The following MAP3K13 variants were observed in gnomAD, a reference collection of about 807,000 sequenced individuals.
MAP3K13 encodes the protein mitogen-activated protein kinase kinase kinase 13.
Under a neutral mutation model 104.0 loss-of-function variants are expected in MAP3K13, and 52 were observed. The observed-to-expected ratio is 0.50, with a 90% CI of 0.40 to 0.63. The LOEUF (loss-of-function observed/expected upper bound fraction) is 0.63. Ranked by LOEUF, MAP3K13 falls within the 20% of genes least tolerant of loss-of-function variation. MAP3K13 has a pLI of 0.00. For missense variants in MAP3K13, 914 were observed against 1,218.5 expected (o/e 0.75, Z 3.72); for synonymous variants, 394 against 442.2 (o/e 0.89, Z 1.37).
intron 1 of MAP3K13, among the ~76,000 whole-genome samples, chr3:185,395,347 A>T (rs958627097): frequency 2.1e-5 from 2 of 95,572 alleles, no homozygotes; most frequent in Non-Finnish European, 2.0e-5. Flanking sequence ...TTTCTAATTC[A>T]ATATTATTTC....
chr3:185,469,840 A>G (rs1717673736), intron 10 of MAP3K13, among the ~76,000 whole-genome samples: 1 of 152,224 alleles, frequency 6.6e-6, no homozygotes, highest in Non-Finnish European at 1.5e-5. Flanking sequence ...TCTGACCTTC[A>G]ATAAACCAGA....
Position 185,484,325 on chromosome 3 carries a change from A to G in MAP3K13, c.*1869A>G, listed in dbSNP as rs1413471876. The G allele has an allele frequency of 6.6e-6, 1 of 152,082 alleles. No individual in the cohort carries two copies. The highest frequency in any genetic ancestry group is 2.4e-5 in the African/African-American group (1 of 41,408). 9.4% of individuals were successfully genotyped at this position (152,082 alleles called of 1,614,324 possible). On this transcript the variant is annotated 3_prime_UTR_variant, in exon 14 of 14. Coordinates refer to ENST00000265026, the MANE Select transcript of MAP3K13 (RefSeq NM_004721.5). The stretch of plus-strand genomic sequence containing the variant: ...TCATGGTGCCTTGGCCTTAAGGAAA[A>G]ATTTTTTTAGAATTTTATGTACAAA...
intron 3 of MAP3K13, among the ~76,000 whole-genome samples, chr3:185,438,128 A>G (rs78379874): frequency 6.6e-6 from 1 of 150,432 alleles, no homozygotes; most frequent in African/African-American, 2.5e-5. Context: ...CCCTGTCTGT[A>G]AAAAAAAATT....
chr3:185,287,535 C>T (rs562380209), intron 2 of MAP3K13, among the ~76,000 whole-genome samples: 79 of 152,122 alleles, frequency 5.2e-4, no homozygotes, highest in African/African-American at 1.9e-3. Flanking sequence ...TCTTCCCACA[C>T]TTTTATTGTA....
chr3:185,355,547 A>G (rs1466715100), intron 2 of MAP3K13, among the ~76,000 whole-genome samples: 2 of 152,166 alleles, frequency 1.3e-5, no homozygotes, highest in African/African-American at 4.8e-5. Context: ...AGGCAGGAGA[A>G]TCACTTGAAC....
At chr3:185,410,070 C>G (rs1713344083) in intron 1 of MAP3K13, among the ~76,000 whole-genome samples, 1 of 152,204 alleles carries the variant, frequency 6.6e-6, no homozygotes, top group South Asian at 2.1e-4. Flanking sequence ...CTGTGAGAAT[C>G]TAACGCTGCT....
intron 2 of MAP3K13, among the ~76,000 whole-genome samples, chr3:185,340,992 T>A (rs970077871): frequency 2.0e-5 from 3 of 152,100 alleles, no homozygotes; most frequent in Non-Finnish European, 2.9e-5. Context: ...CCAGTCTGAC[T>A]TCATATTAAC....
At chr3:185,439,770 T>C (rs1423326295) in intron 3 of MAP3K13, among the ~76,000 whole-genome samples, 1 of 152,202 alleles carries the variant, frequency 6.6e-6, no homozygotes, top group Non-Finnish European at 1.5e-5. Context: ...CACCTCTCCC[T>C]TCTGACTCTC....
intron 1 of MAP3K13, among the ~76,000 whole-genome samples, chr3:185,389,550 A>T (rs980028433): frequency 4.6e-5 from 7 of 151,616 alleles, no homozygotes; most frequent in East Asian, 1.9e-4. Flanking sequence ...CCTGGGGGAA[A>T]TTTTTTTTTA....
At chr3:185,466,779 T>A in intron 9 of MAP3K13, 47 bp from the exon 10 acceptor site, 1 of 1,610,902 alleles carries the variant, frequency 6.2e-7, no homozygotes, top group Non-Finnish European at 8.5e-7. Context: ...CTGCCTATCC[T>A]TTCTGTCTGC....
intron 2 of MAP3K13, among the ~76,000 whole-genome samples, chr3:185,302,128 C>T (rs1358528342): frequency 1.3e-5 from 2 of 151,960 alleles, no homozygotes; most frequent in Non-Finnish European, 2.9e-5. Flanking sequence ...TCTTGCCAGG[C>T]GCAGTGGCTT....
intron 1 of MAP3K13, among the ~76,000 whole-genome samples, chr3:185,420,869 T>C (rs1317603412): frequency 6.6e-6 from 1 of 152,210 alleles, no homozygotes. Context: ...TCTCTCTACA[T>C]TGCATCCTGG....
At chr3:185,362,942 C>A (rs1417434467), upstream of MAP3K13, 2 of 119,404 alleles carry the variant, frequency 1.7e-5, no homozygotes, top group Non-Finnish European at 3.6e-5. Context: ...CACACACACA[C>A]ACACACACAC....
intron 2 of MAP3K13, among the ~76,000 whole-genome samples, chr3:185,310,017 G>A (rs1461362479): frequency 6.6e-6 from 1 of 152,156 alleles, no homozygotes; most frequent in East Asian, 1.9e-4. Flanking sequence ...TACTGCTGAG[G>A]GAGGGACAAG....
intron 2 of MAP3K13, among the ~76,000 whole-genome samples, chr3:185,356,461 A>G (rs568580246): frequency 6.6e-6 from 1 of 152,230 alleles, no homozygotes; most frequent in African/African-American, 2.4e-5. Flanking sequence ...CTGGCTTCAG[A>G]CAAGACTGAA....
At chr3:185,476,015 T>C (rs1389984384) in intron 11 of MAP3K13, among the ~76,000 whole-genome samples, 1 of 152,170 alleles carries the variant, frequency 6.6e-6, no homozygotes. Flanking sequence ...TTAAAGTGTA[T>C]AGTTCAATGC....
chr3:185,355,106 G>C (rs1723296408), intron 2 of MAP3K13, among the ~76,000 whole-genome samples: 1 of 152,076 alleles, frequency 6.6e-6, no homozygotes. Context: ...AGAATGTCTA[G>C]GACCAGATTT....
intron 1 of MAP3K13, among the ~76,000 whole-genome samples, chr3:185,377,325 T>C (rs1724478674): frequency 6.6e-6 from 1 of 152,016 alleles, no homozygotes; most frequent in Admixed American, 6.6e-5. Flanking sequence ...TAGGTTTTAA[T>C]GGGATGGTAA....
intron 11 of MAP3K13, among the ~76,000 whole-genome samples, chr3:185,474,566 AT>A (rs1443998431): frequency 5.9e-5 from 9 of 152,312 alleles, no homozygotes; most frequent in African/African-American, 2.2e-4. Context: ...TCCCTCACCT[AT>A]TTGAACATAC....
Sources: gnomAD v4.1 joint callset for allele counts (sites outside exome capture counted in the v4.1 genomes callset) on GRCh38, gnomAD v4.1.1 for gene constraint, MANE v1.5 for transcripts, NCBI Gene and HGNC (gene_info 2026-07-23, HGNC 2026-07-21) for gene names.